Variants in RMST observed in about 807,000 individuals in gnomAD.
RMST encodes rhabdomyosarcoma 2 associated transcript.
At chr12:97,533,877 A>G (rs893726611) in intron 11 of RMST, 4 of 151,740 alleles carry the variant, frequency 2.6e-5, no homozygotes, top group African/African-American at 9.7e-5. Flanking sequence ...GCTATAGTTT[A>G]TTTTTGCACA....
chr12:97,498,377 A>C (rs776788783), intron 10 of RMST, among the ~76,000 whole-genome samples: 8 of 152,144 alleles, frequency 5.3e-5, no homozygotes, highest in Non-Finnish European at 8.8e-5. Flanking sequence ...TAGCTGTATA[A>C]ACAGTTTCTA....
intron 11 of RMST, among the ~76,000 whole-genome samples, chr12:97,542,937 A>G (rs914813866): frequency 6.6e-6 from 1 of 151,942 alleles, no homozygotes; most frequent in African/African-American, 2.4e-5. Context: ...TGAAGTTACC[A>G]CAGTGTTCAC....
At chr12:97,475,193 A>G (rs1355989104) in intron 5 of RMST, among the ~76,000 whole-genome samples, 2 of 152,154 alleles carry the variant, frequency 1.3e-5, no homozygotes, top group Admixed American at 6.6e-5. Context: ...TTTCTAGGCT[A>G]CATTGATCAG....
At chr12:97,463,007 C>T (rs1872738377) in intron 3 of RMST, 1 of 149,046 alleles carries the variant, frequency 6.7e-6, no homozygotes, top group Non-Finnish European at 1.5e-5. Flanking sequence ...TTCTTAGTCT[C>T]AAGTCAGCAG....
intron 5 of RMST, among the ~76,000 whole-genome samples, chr12:97,479,368 T>C (rs1321987267): frequency 6.6e-6 from 1 of 152,008 alleles, no homozygotes; most frequent in Non-Finnish European, 1.5e-5. Flanking sequence ...GCCCAGGCTA[T>C]TCTACAACTC....
At chr12:97,483,558 G>A (rs571675251) in intron 5 of RMST, 8 of 152,304 alleles carry the variant, frequency 5.3e-5, no homozygotes, top group African/African-American at 1.9e-4. Context: ...ACAGAACAAT[G>A]TGACCAACAG....
rs896309997 is a variant in RMST at position 97,550,409 on chromosome 12, A to G, written n.1546-10128A>G. On this transcript the variant is annotated intron_variant and non_coding_transcript_variant, in intron 11 of 13. Transcript: ENST00000640149. ...CTCTGTCTCAAATAAATAAATAAATAAATGAATAATAAAAATATTAAAAGG... is the reference window on the plus strand; with the variant it reads ...CTCTGTCTCAAATAAATAAATAAATGAATGAATAATAAAAATATTAAAAGG... 8.5e-5 allele frequency among the ~76,000 whole-genome samples: 13 copies of G among 152,242 alleles called. No homozygotes were observed. The South Asian group carries it at 2.3e-3, about 27-fold the overall frequency.
At chr12:97,556,326 G>C (rs1256020359) in intron 11 of RMST, among the ~76,000 whole-genome samples, 4 of 152,130 alleles carry the variant, frequency 2.6e-5, no homozygotes, top group Admixed American at 2.0e-4. Flanking sequence ...TCCAAATGCA[G>C]CAGACATACT....
chr12:97,537,180 C>T (rs1375507277), intron 11 of RMST, among the ~76,000 whole-genome samples: 1 of 151,326 alleles, frequency 6.6e-6, no homozygotes, highest in Non-Finnish European at 1.5e-5. Context: ...AGAATCTTCC[C>T]TAAGAGATGC....
At chr12:97,497,583 G>A (rs1372250652) in intron 10 of RMST, among the ~76,000 whole-genome samples, 1 of 152,064 alleles carries the variant, frequency 6.6e-6, no homozygotes, top group Admixed American at 6.6e-5. Context: ...AATAACATGA[G>A]GCCTTACGTT....
intron 11 of RMST, among the ~76,000 whole-genome samples, chr12:97,539,073 G>T (rs1179458123): frequency 6.6e-6 from 1 of 151,292 alleles, no homozygotes; most frequent in Non-Finnish European, 1.5e-5. Flanking sequence ...ATTGCTATTT[G>T]CTGTCTAATC....
intron 11 of RMST, among the ~76,000 whole-genome samples, chr12:97,556,796 G>T (rs1173618261): frequency 1.3e-5 from 2 of 151,734 alleles, no homozygotes; most frequent in Admixed American, 1.3e-4. Flanking sequence ...GCATTTTCTT[G>T]TACACTAATT....
intron 11 of RMST, among the ~76,000 whole-genome samples, chr12:97,549,796 A>G (rs1282893691): frequency 6.6e-6 from 1 of 152,204 alleles, no homozygotes; most frequent in Non-Finnish European, 1.5e-5. Flanking sequence ...CATAAACATT[A>G]AAGAAATAGA....
At chr12:97,483,503 G>A (rs1331851199) in intron 5 of RMST, 1 of 152,132 alleles carries the variant, frequency 6.6e-6, no homozygotes. Flanking sequence ...GTGGCCGTAA[G>A]CCAGAAAAGA....
chr12:97,522,748 T>C (rs927131440), intron 10 of RMST, among the ~76,000 whole-genome samples: 4 of 152,186 alleles, frequency 2.6e-5, no homozygotes, highest in Non-Finnish European at 4.4e-5. Flanking sequence ...TTATCAAATA[T>C]ATTTCAAGTG....
chr12:97,476,757 A>G (rs1874595060), intron 5 of RMST, among the ~76,000 whole-genome samples: 1 of 152,198 alleles, frequency 6.6e-6, no homozygotes, highest in Non-Finnish European at 1.5e-5. Flanking sequence ...GCTGATTTAT[A>G]GCTATATAAT....
At chr12:97,556,285 G>A (rs892298155) in intron 11 of RMST, among the ~76,000 whole-genome samples, 1 of 152,118 alleles carries the variant, frequency 6.6e-6, no homozygotes, top group Admixed American at 6.6e-5. Context: ...TTTCTTTTAT[G>A]TTAAATTAAT....
At chr12:97,504,563 A>C (rs1878463362) in intron 10 of RMST, among the ~76,000 whole-genome samples, 1 of 152,136 alleles carries the variant, frequency 6.6e-6, no homozygotes, top group Non-Finnish European at 1.5e-5. Context: ...TTATTAGCTC[A>C]ATGATCTACA....
rs528420032 is a variant in RMST, at chr12:97,500,999, A to G, written n.1340+4943A>G. ...CATAAAATTACTCTGCCACTTTGCT[A>G]TAGGTGTTTCTAAATGATTGCTCAC... On this transcript the variant is annotated intron_variant and non_coding_transcript_variant, in intron 10 of 13. Coordinates refer to ENST00000640149, the Ensembl canonical transcript of RMST. 2.0e-5 allele frequency among the ~76,000 whole-genome samples: 3 copies of G among 152,342 alleles called. No homozygotes were observed. In the South Asian group the frequency reaches 6.2e-4, roughly 32 times the overall value.
Sources: gnomAD v4.1 joint callset for allele counts (sites outside exome capture counted in the v4.1 genomes callset) on GRCh38, gnomAD v4.1.1 for gene constraint, MANE v1.5 for transcripts, NCBI Gene and HGNC (gene_info 2026-07-23, HGNC 2026-07-21) for gene names.